The following PCM1 variants were observed in gnomAD, a reference collection of about 807,000 sequenced individuals.
PCM1 encodes the protein pericentriolar material 1.
In PCM1, 157 loss-of-function variants were observed where a neutral mutation model predicts 241.9. The ratio of observed to expected loss-of-function variants is 0.65; its 90% CI spans 0.57 to 0.74. The LOEUF is 0.74. Among genes scored for constraint, PCM1 ranks in the 30% least tolerant of loss-of-function variants. The pLI is 0.00. For missense variants in PCM1, 3,478 were observed against 2,360.1 expected (o/e 1.47, Z -9.81); for synonymous variants, 1,085 against 784.9 (o/e 1.38, Z -6.39).
At chr8:17,977,952 T>G (rs1297149383) in intron 23 of PCM1, among the ~76,000 whole-genome samples, 1 of 152,118 alleles carries the variant, frequency 6.6e-6, no homozygotes, top group East Asian at 1.9e-4. Flanking sequence ...AAAAGGGACC[T>G]AGTTACCAGG....
In PCM1 at chr8:17,929,240, A is replaced by G. The variant is rs573593354; in HGVS notation, c.-23+4460A>G. 5.3e-5 allele frequency among the ~76,000 whole-genome samples: 8 copies of G among 152,102 alleles called. No individual in the cohort carries two copies. The South Asian group carries it at 1.5e-3, about 28-fold the overall frequency. On this transcript the variant is annotated intron_variant, in intron 2 of 38. Coordinates refer to ENST00000325083, the MANE Select transcript of PCM1 (RefSeq NM_006197.4). ...ACTGTTTGGTTTCTTATCACATTCT[A>G]CTTGATACACTTTTCCCCTTTTGGC...
intron 16 of PCM1, 154 bp from the exon 17 acceptor site, chr8:17,962,947 A>G: frequency 3.5e-6 from 2 of 572,860 alleles, no homozygotes; most frequent in East Asian, 3.1e-5. Flanking sequence ...TCATAACTAT[A>G]TTATTATTTT....
intron 21 of PCM1, among the ~76,000 whole-genome samples, chr8:17,967,510 G>C (rs2075350157): frequency 6.6e-6 from 1 of 151,934 alleles, no homozygotes; most frequent in African/African-American, 2.4e-5. Context: ...GTTTCTCCAT[G>C]TTGGTCAGGC....
At chr8:17,958,105 A>ATT (rs1191004215) in intron 13 of PCM1, among the ~76,000 whole-genome samples, 1 of 152,154 alleles carries the variant, frequency 6.6e-6, no homozygotes, top group Non-Finnish European at 1.5e-5. Context: ...AGCTGTTTTT[A>ATT]TTTACAAAAA....
intron 38 of PCM1, 52 bp downstream of exon 38, chr8:18,025,710 ATAC>A: frequency 9.7e-7 from 1 of 1,026,134 alleles, no homozygotes. Context: ...TTGAATCTTC[ATAC>A]TACTATTGTG....
intron 21 of PCM1, among the ~76,000 whole-genome samples, chr8:17,967,594 C>T (rs890777143): frequency 2.0e-5 from 3 of 152,198 alleles, no homozygotes; most frequent in Admixed American, 1.3e-4. Flanking sequence ...AGGCATGAGC[C>T]ACCGTGCCCA....
intron 36 of PCM1, among the ~76,000 whole-genome samples, chr8:18,016,178 G>A (rs1186034317): frequency 2.6e-5 from 4 of 152,056 alleles, no homozygotes; most frequent in East Asian, 1.9e-4. Context: ...GTGAGCCACC[G>A]CACCCAGCTG....
intron 7 of PCM1, among the ~76,000 whole-genome samples, chr8:17,948,999 A>G (rs1208969251): frequency 6.6e-6 from 1 of 152,184 alleles, no homozygotes; most frequent in African/African-American, 2.4e-5. Flanking sequence ...ATAGAATTTT[A>G]GCAGAATTAC....
rs774715644 is a variant in PCM1 at position 17,980,690 on chromosome 8, G to T, written c.4043G>T (p.Ser1348Ile). The T allele has an allele frequency of 5.0e-6, 8 of 1,612,954 alleles. No individual in the cohort carries two copies. The South Asian group carries it at 8.8e-5, about 18-fold the overall frequency. Residue 1348 changes from serine to isoleucine, a missense_variant, in exon 24 of 39, where the codon AGC becomes ATC. Coordinates refer to ENST00000325083, the MANE Select transcript of PCM1 (RefSeq NM_006197.4). ...GAGCCTGTTCAAGCAAAAGTATTCAGCAGAAAGAATCATGAGCAACTGGAA... is the reference window on the plus strand; with the variant it reads ...GAGCCTGTTCAAGCAAAAGTATTCATCAGAAAGAATCATGAGCAACTGGAA... Reference protein sequence around the residue: ...TEEPVQAKVFSRKNHEQLEKI... With the variant: ...TEEPVQAKVFIRKNHEQLEKI...
intron 24 of PCM1, among the ~76,000 whole-genome samples, chr8:17,981,258 G>C (rs1455131963): frequency 6.6e-6 from 1 of 152,040 alleles, no homozygotes; most frequent in Non-Finnish European, 1.5e-5. Context: ...TTCTTACCTT[G>C]GTAGCTGTTT....
intron 23 of PCM1, among the ~76,000 whole-genome samples, chr8:17,979,883 T>C (rs1304003522): frequency 6.6e-6 from 1 of 152,210 alleles, no homozygotes; most frequent in Non-Finnish European, 1.5e-5. Flanking sequence ...AGCAGATATT[T>C]GATCATCCTG....
At chr8:17,961,084 T>C (rs535523306) in intron 15 of PCM1, among the ~76,000 whole-genome samples, 75 of 152,122 alleles carry the variant, frequency 4.9e-4, no homozygotes, top group Non-Finnish European at 7.8e-4. Context: ...TGAAATAATA[T>C]AATAAAATCT....
chr8:17,935,813 G>A (rs569694914), intron 3 of PCM1, 107 bp downstream of exon 3: 8 of 608,430 alleles, frequency 1.3e-5, no homozygotes, highest in Non-Finnish European at 2.4e-5. Context: ...ACACTTGCTG[G>A]CCAAGACATT....
Position 18,014,713 on chromosome 8 carries a change from C to T in PCM1, c.5714C>T (p.Pro1905Leu), listed in dbSNP as rs762735237. The T allele has an allele frequency of 1.2e-5, 19 of 1,613,610 alleles. No individual in the cohort carries two copies. Among genetic ancestry groups the T allele is most frequent in the Middle Eastern group, 1.6e-4 (1 of 6,084 alleles). ...TCAACTCAACAGCCTAACCCTTTGCCGTTACGTTTACCTGAAATGGAACCC... is the reference window on the plus strand; with the variant it reads ...TCAACTCAACAGCCTAACCCTTTGCTGTTACGTTTACCTGAAATGGAACCC... ...VDSTQQPNPLPLRLPEMEPLV... is the reference protein window; with the variant it reads ...VDSTQQPNPLLLRLPEMEPLV... The change falls in exon 36 of 39, where the codon CCG (proline) becomes CTG (leucine). Residue 1905 changes from proline (P) to leucine (L), a missense_variant. Physicochemically the swap from Pro to Leu is moderately conservative, Grantham distance 98. Transcript: ENST00000325083.
At chr8:17,976,083 T>G (rs1274697642) in intron 23 of PCM1, among the ~76,000 whole-genome samples, 1 of 152,220 alleles carries the variant, frequency 6.6e-6, no homozygotes, top group African/African-American at 2.4e-5. Context: ...CATTTCTTCC[T>G]TCCTCCCTTT....
chr8:17,954,260 T>A (rs2129459858), intron 9 of PCM1, among the ~76,000 whole-genome samples: 1 of 152,206 alleles, frequency 6.6e-6, no homozygotes, highest in Non-Finnish European at 1.5e-5. Context: ...AAACCCCGTC[T>A]CTACTAAAAG....
chr8:18,021,010 T>A (rs997388409), intron 36 of PCM1, among the ~76,000 whole-genome samples: 1 of 152,194 alleles, frequency 6.6e-6, no homozygotes, highest in Non-Finnish European at 1.5e-5. Context: ...TGTGGACTTT[T>A]ATGGCCAAGT....
chr8:18,011,297 A>C lies in PCM1; in HGVS notation c.5281A>C (p.Lys1761Gln), dbSNP rs752775712. 6.2e-7 allele frequency: 1 copy of C among 1,607,838 alleles called. No homozygotes were observed. The highest frequency in any genetic ancestry group is 8.5e-7 in the Non-Finnish European group (1 of 1,177,022). The change falls in exon 33 of 39, where the codon AAA becomes CAA. Residue 1761 changes from lysine (K) to glutamine (Q), a missense_variant. Lys to Gln is a moderately conservative substitution (Grantham distance 53). Transcript: ENST00000325083. ...TQTSEVYDGP[K>Q]NVRSDISDQE... is the part of the protein sequence containing the mutation. ...AACATCTGAGGTGTATGATGGTCCC[A>C]AAAATGTAAGATCTGATATTTCTGA... is the stretch of plus-strand genomic sequence containing the variant.
At chr8:17,991,502 A>G in intron 27 of PCM1, 40 bp from the exon 28 acceptor site, 1 of 1,512,018 alleles carries the variant, frequency 6.6e-7, no homozygotes, top group South Asian at 1.3e-5. Context: ...GAAAAAGTTC[A>G]CTTTTACATA....
Sources: allele counts gnomAD v4.1 joint callset (sites outside exome capture counted in the v4.1 genomes callset), GRCh38; gene constraint gnomAD v4.1.1; transcripts MANE v1.5; gene names NCBI Gene and HGNC (gene_info 2026-07-23, HGNC 2026-07-21).